The following MYO3B variants were observed in gnomAD, a reference collection of about 807,000 sequenced individuals.
MYO3B encodes the protein myosin-IIIb.
In MYO3B, 156 loss-of-function variants were observed where a neutral mutation model predicts 174.6. The ratio of observed to expected loss-of-function variants is 0.89; its 90% CI spans 0.78 to 1.02. The LOEUF is 1.02. Ranked by LOEUF, MYO3B falls within the 50% of genes least tolerant of loss-of-function variation. The probability of loss-of-function intolerance (pLI) is 0.00; values close to 1 mark genes in which losing one functional copy is unlikely to be tolerated. For synonymous variants in MYO3B, 563 were observed against 569.1 expected (o/e 0.99, Z 0.15); for missense variants, 1,632 against 1,639.4 (o/e 1.00, Z 0.08).
chr2:170,619,280 G>A (rs957547209), intron 32 of MYO3B, among the ~76,000 whole-genome samples: 2 of 152,116 alleles, frequency 1.3e-5, no homozygotes, highest in African/African-American at 2.4e-5. Flanking sequence ...CTGACTGCAC[G>A]TCCATTCATA....
intron 25 of MYO3B, among the ~76,000 whole-genome samples, chr2:170,477,802 G>C (rs916744460): frequency 2.0e-5 from 3 of 151,322 alleles, no homozygotes; most frequent in African/African-American, 7.3e-5. Context: ...AATTACCCAA[G>C]ATGAGAACCA....
intron 7 of MYO3B, among the ~76,000 whole-genome samples, chr2:170,270,039 T>C (rs1481833497): frequency 2.0e-5 from 3 of 152,214 alleles, no homozygotes; most frequent in Non-Finnish European, 4.4e-5. Flanking sequence ...TGCAGATTAT[T>C]ATGCACAATA....
In MYO3B at chr2:170,519,495, G is replaced by A. The variant is rs189292264; in HGVS notation, c.3530G>A (p.Arg1177His). 2.4e-4 allele frequency: 392 copies of A among 1,613,766 alleles called. No individual in the cohort carries two copies. In the African/African-American group the frequency reaches 4.2e-3, roughly 17 times the overall value. ...TCACAAGCAGAATCCAACAATGGCC[G>A]TACACAGACTTCAAGCAACTCTCCT... ...SHSQAESNNG[R>H]TQTSSNSPAV... is the part of the protein sequence containing the mutation. Residue 1177 changes from arginine to histidine, a missense_variant, in exon 30 of 35, where the codon CGT becomes CAT. Transcript: ENST00000408978.
chr2:170,442,497 C>CTT lies in MYO3B; in HGVS notation c.2651-1453_2651-1452dup, dbSNP rs34632756. On this transcript the variant is annotated intron_variant, in intron 22 of 34. Transcript: ENST00000408978. ...TTCTTGTTATTTAGTAGGAGGTGTTCTTTTTTTTTTTTTTTTTTAATTATA... is the reference window on the plus strand; with the variant it reads ...TTCTTGTTATTTAGTAGGAGGTGTTCTTTTTTTTTTTTTTTTTTTTAATTATA... Among the ~76,000 whole-genome samples the CTT allele has an allele frequency of 4.8e-4, 66 of 136,868 alleles. 2 individuals are homozygous for CTT. In the South Asian group the frequency reaches 0.012, roughly 26 times the overall value. The allele number at this position is 136,868 out of a possible 152,430, so 89.8% of individuals were successfully genotyped here.
intron 22 of MYO3B, among the ~76,000 whole-genome samples, chr2:170,430,780 G>T (rs2094702580): frequency 6.6e-6 from 1 of 152,150 alleles, no homozygotes; most frequent in Non-Finnish European, 1.5e-5. Flanking sequence ...TAACCTGAAG[G>T]TTTGGAACAA....
chr2:170,322,238 A>G lies in MYO3B; in HGVS notation c.750-13147A>G, dbSNP rs746314282. ...TGAAAAAGAAATCTACGAAATAAAC[A>G]CTTATCTATTAGTCTCCAGTATCCT... On this transcript the variant is annotated intron_variant, in intron 7 of 34. Coordinates refer to ENST00000408978, the MANE Select transcript of MYO3B (RefSeq NM_138995.5). Among the ~76,000 whole-genome samples the G allele has an allele frequency of 2.6e-5, 4 of 152,030 alleles. No homozygotes were observed. In the South Asian group the frequency reaches 8.3e-4, roughly 32 times the overall value.
intron 22 of MYO3B, among the ~76,000 whole-genome samples, chr2:170,421,294 A>G (rs1417187432): frequency 6.6e-6 from 1 of 152,216 alleles, no homozygotes; most frequent in Non-Finnish European, 1.5e-5. Context: ...AGAGATGAGT[A>G]TGAAGCCCTT....
chr2:170,200,070 G>C, intron 2 of MYO3B, 80 bp from the exon 3 acceptor site: 1 of 1,376,370 alleles, frequency 7.3e-7, no homozygotes, highest in Non-Finnish European at 1.0e-6. Flanking sequence ...GTTTTACTAA[G>C]TACTTGAGCA....
chr2:170,421,147 A>G (rs2094611841), intron 22 of MYO3B, among the ~76,000 whole-genome samples: 1 of 152,146 alleles, frequency 6.6e-6, no homozygotes, highest in African/African-American at 2.4e-5. Flanking sequence ...TGCTGGGAAC[A>G]CTTTGAAAGC....
chr2:170,487,076 A>G (rs1352695302), intron 25 of MYO3B, among the ~76,000 whole-genome samples: 14 of 152,188 alleles, frequency 9.2e-5, no homozygotes. Context: ...CCAGGAATCC[A>G]CATCTTTCAT....
chr2:170,631,906 C>T (rs957892739), intron 32 of MYO3B, among the ~76,000 whole-genome samples: 1 of 152,128 alleles, frequency 6.6e-6, no homozygotes, highest in Non-Finnish European at 1.5e-5. Context: ...CAAGGAAAAC[C>T]ATTACATAAC....
intron 7 of MYO3B, among the ~76,000 whole-genome samples, chr2:170,279,354 G>C (rs561612284): frequency 6.6e-6 from 1 of 152,042 alleles, no homozygotes; most frequent in East Asian, 1.9e-4. Context: ...TGATCTCATT[G>C]TGGTTTTGAT....
rs80289510 is a variant in MYO3B at position 170,406,981 on chromosome 2, A to G, written c.2521-734A>G. Among the ~76,000 whole-genome samples, 45 of 152,260 alleles carry G rather than the reference A, an allele frequency of 3.0e-4. No individual in the cohort carries two copies. The East Asian group carries it at 8.1e-3, about 27-fold the overall frequency. On this transcript the variant is annotated intron_variant, in intron 21 of 34. Coordinates refer to ENST00000408978, the MANE Select transcript of MYO3B (RefSeq NM_138995.5). The stretch of plus-strand genomic sequence containing the variant: ...TCAAACTGCCTGAGTTTTGATACCT[A>G]CCTACCACTTGTGAAATGTGTGACC...
chr2:170,295,970 G>A (rs1353816413), intron 7 of MYO3B, among the ~76,000 whole-genome samples: 1 of 152,044 alleles, frequency 6.6e-6, no homozygotes. Context: ...CTTTTTCAGG[G>A]GTCCTAAACC....
At chr2:170,486,007 G>GGAGAGAGAGAGA (rs138105393) in intron 25 of MYO3B, among the ~76,000 whole-genome samples, 7 of 149,848 alleles carry the variant, frequency 4.7e-5, no homozygotes, top group Non-Finnish European at 1.0e-4. Context: ...AAAGAAAGAG[G>GGAGAGAGAGAGA]GAGAGAGAGA....
At position 170,338,384 on chromosome 2, in the gene MYO3B, C is replaced by T. The variant is rs184215410; in HGVS notation, c.815+2934C>T. ...TTTTTTGTTTAATGAGTTGTCTTTA[C>T]GGTTTTTTATTAGTGAAAAATTTTA... On this transcript the variant is annotated intron_variant, in intron 8 of 34. Transcript: ENST00000408978. Among the ~76,000 whole-genome samples the T allele has an allele frequency of 1.0e-3, 156 of 152,160 alleles. 1 individual carries two copies. The highest frequency in any genetic ancestry group is 8.5e-4 in the Non-Finnish European group (58 of 67,992).
chr2:170,266,613 G>C (rs1878839), intron 7 of MYO3B, among the ~76,000 whole-genome samples: 122,497 of 152,188 alleles, frequency 0.8, 52,397 homozygotes, highest in East Asian at 0.96. Context: ...TGACACAAAT[G>C]AGAGAAGGAA....
At chr2:170,578,458 A>G (rs1420241160) in intron 32 of MYO3B, among the ~76,000 whole-genome samples, 2 of 152,250 alleles carry the variant, frequency 1.3e-5, no homozygotes. Context: ...AACAAACCAT[A>G]TCAAAAGTAG....
At chr2:170,557,539 C>T (rs970032029) in intron 32 of MYO3B, among the ~76,000 whole-genome samples, 1 of 152,094 alleles carries the variant, frequency 6.6e-6, no homozygotes, top group Non-Finnish European at 1.5e-5. Context: ...ATAAAATATA[C>T]CTTTATTCCT....
Sources: gnomAD v4.1 joint callset for allele counts (sites outside exome capture counted in the v4.1 genomes callset) on GRCh38, gnomAD v4.1.1 for gene constraint, MANE v1.5 for transcripts, NCBI Gene and HGNC (gene_info 2026-07-23, HGNC 2026-07-21) for gene names.